NRDC: variants seen among roughly 807,000 people sequenced by gnomAD.
NRDC encodes the protein nardilysin.
A neutral mutation model predicts 147.1 loss-of-function variants in NRDC; 54 were observed. The observed-to-expected ratio is 0.37, with a 90% CI of 0.29 to 0.46. NRDC has a LOEUF of 0.46. Among genes scored for constraint, NRDC ranks in the 20% least tolerant of loss-of-function variants. The pLI is 1.00. For missense variants in NRDC, 1,082 were observed against 1,370.6 expected (o/e 0.79, Z 3.33); for synonymous variants, 440 against 482.1 (o/e 0.91, Z 1.14).
intron 1 of NRDC, among the ~76,000 whole-genome samples, chr1:51,843,977 T>C (rs1000009422): frequency 2.0e-5 from 3 of 152,264 alleles, no homozygotes; most frequent in Admixed American, 6.5e-5. Flanking sequence ...AAAAATCTAC[T>C]ATCAAAATAA....
intron 20 of NRDC, among the ~76,000 whole-genome samples, chr1:51,801,762 T>C (rs758532830): frequency 1.3e-5 from 2 of 152,158 alleles, no homozygotes; most frequent in African/African-American, 2.4e-5. Flanking sequence ...TAATGTAATG[T>C]CCGCTGATAG....
At chr1:51,832,815 A>C (rs756145624) in intron 4 of NRDC, among the ~76,000 whole-genome samples, 19 of 152,204 alleles carry the variant, frequency 1.2e-4, no homozygotes, top group Admixed American at 9.8e-4. Context: ...CTTAATAGAA[A>C]TAATTAAGGA....
At chr1:51,854,055 C>T (rs567487764) in intron 1 of NRDC, among the ~76,000 whole-genome samples, 2 of 152,264 alleles carry the variant, frequency 1.3e-5, no homozygotes, top group South Asian at 4.1e-4. Context: ...CTCATGGATA[C>T]CTTGAATTCC....
intron 1 of NRDC, among the ~76,000 whole-genome samples, chr1:51,871,224 C>A (rs1683070940): frequency 6.6e-6 from 1 of 152,078 alleles, no homozygotes; most frequent in African/African-American, 2.4e-5. Context: ...GGCTGAGGCA[C>A]GAGAATTGCT....
In NRDC at chr1:51,792,382, G is replaced by A; in HGVS notation, c.2818C>T (p.Leu940Phe). 1 of 1,614,104 alleles carries A rather than the reference G, an allele frequency of 6.2e-7. No individual in the cohort carries two copies. The highest frequency in any genetic ancestry group is 1.7e-5 in the Admixed American group (1 of 60,032). ...SLREYTLMEL[L>F]VMHMEEPCFD... ...CATCTCCTTTATGCACTTACCACAA[G>A]CAGCTCCATAAGCGTATATTCTCTT... Residue 940 changes from leucine (L) to phenylalanine (F), a missense_variant, in exon 25 of 31, where the codon CTT (leucine) becomes TTT (phenylalanine). By Grantham distance (22) the Leu-to-Phe change is conservative. This residue lies in a region of NRDC where 635 missense variants were observed against 923.8 expected (regional missense o/e 0.69). Coordinates refer to ENST00000352171, the MANE Select transcript of NRDC (RefSeq NM_001101662.2).
intron 1 of NRDC, among the ~76,000 whole-genome samples, chr1:51,876,369 TG>T (rs949379482): frequency 1.3e-5 from 2 of 152,224 alleles, no homozygotes; most frequent in African/African-American, 2.4e-5. Flanking sequence ...TGAGGTATCT[TG>T]GGGATGGGAT....
At chr1:51,872,818 C>A (rs912740392) in intron 1 of NRDC, among the ~76,000 whole-genome samples, 3 of 152,130 alleles carry the variant, frequency 2.0e-5, no homozygotes, top group African/African-American at 7.2e-5. Context: ...ATCTTAAAAG[C>A]ACTTACTTTG....
At chr1:51,823,338 G>C (rs1446243117) in intron 7 of NRDC, among the ~76,000 whole-genome samples, 2 of 152,126 alleles carry the variant, frequency 1.3e-5, no homozygotes, top group Admixed American at 1.3e-4. Context: ...TAAAACCACA[G>C]ATACAATTGC....
intron 1 of NRDC, among the ~76,000 whole-genome samples, chr1:51,849,403 A>G (rs896613388): frequency 6.6e-6 from 1 of 151,936 alleles, no homozygotes; most frequent in Non-Finnish European, 1.5e-5. Flanking sequence ...CGACAGGGCA[A>G]GACTCCTTCT....
At chr1:51,862,119 T>C (rs1432258274) in intron 1 of NRDC, 1 of 152,198 alleles carries the variant, frequency 6.6e-6, no homozygotes, top group Non-Finnish European at 1.5e-5. Context: ...ATCTAAACAA[T>C]GTTAGTATTA....
intron 13 of NRDC, 101 bp from the exon 14 acceptor site, chr1:51,814,190 G>GGTA: frequency 1.4e-6 from 1 of 724,862 alleles, no homozygotes; most frequent in South Asian, 1.7e-5. Flanking sequence ...GTAACTATTG[G>GGTA]GTAGTAGGCT....
At chr1:51,858,280 G>A (rs1357692445) in intron 1 of NRDC, among the ~76,000 whole-genome samples, 1 of 152,076 alleles carries the variant, frequency 6.6e-6, no homozygotes, top group East Asian at 1.9e-4. Flanking sequence ...AGCAGTTCAA[G>A]ACAAGCCTAT....
intron 1 of NRDC, among the ~76,000 whole-genome samples, chr1:51,845,307 T>C (rs1182767730): frequency 1.3e-5 from 2 of 152,120 alleles, no homozygotes; most frequent in African/African-American, 4.8e-5. Context: ...AATGTCTCCT[T>C]TTGGCCCGGC....
Position 51,810,284 on chromosome 1 carries a change from C to G in NRDC, c.1900G>C (p.Glu634Gln), listed in dbSNP as rs1232056301. Residue 634 changes from glutamate (E) to glutamine (Q), a missense_variant, in exon 16 of 31, where the codon GAA becomes CAA. Transcript: ENST00000352171. ...GACAATTGTTAAAATATTTTACCTT[C>G]TATACTATATTGAGTTCCAAACCAT... Reference protein sequence around the residue: ...EKWFGTQYSIEDIENSWAELW... With the variant: ...EKWFGTQYSIQDIENSWAELW... The G allele has an allele frequency of 6.3e-7, 1 of 1,597,388 alleles. No homozygotes were observed. The highest frequency in any genetic ancestry group is 2.3e-5 in the East Asian group (1 of 44,424).
At chr1:51,856,650 T>C (rs1682258254) in intron 1 of NRDC, among the ~76,000 whole-genome samples, 1 of 152,148 alleles carries the variant, frequency 6.6e-6, no homozygotes, top group Non-Finnish European at 1.5e-5. Context: ...CCTCCACGTG[T>C]TGAGCCATCC....
At chr1:51,859,655 G>A (rs1048051594) in intron 1 of NRDC, 3 of 152,242 alleles carry the variant, frequency 2.0e-5, no homozygotes, top group African/African-American at 4.8e-5. Flanking sequence ...TGGGTGCCAT[G>A]TGGCTACCTG....
chr1:51,848,592 T>C (rs1681775515), intron 1 of NRDC, among the ~76,000 whole-genome samples: 1 of 152,130 alleles, frequency 6.6e-6, no homozygotes, highest in Admixed American at 6.5e-5. Context: ...ACCCAAAAAC[T>C]ATTATTAATA....
chr1:51,803,716 A>G, intron 20 of NRDC, 98 bp downstream of exon 20: 1 of 923,448 alleles, frequency 1.1e-6, no homozygotes, highest in Non-Finnish European at 1.6e-6. Context: ...CCACATTAAT[A>G]AACATTTATT....
At chr1:51,873,151 T>C (rs1683161565) in intron 1 of NRDC, among the ~76,000 whole-genome samples, 1 of 152,168 alleles carries the variant, frequency 6.6e-6, no homozygotes, top group Non-Finnish European at 1.5e-5. Flanking sequence ...AATAAACCTA[T>C]GTTCTTCCCA....
Sources: allele counts gnomAD v4.1 joint callset (sites outside exome capture counted in the v4.1 genomes callset), GRCh38; gene constraint gnomAD v4.1.1; regional missense constraint gnomAD v4.1.1; transcripts MANE v1.5; gene names NCBI Gene and HGNC (gene_info 2026-07-23, HGNC 2026-07-21).